IQCM: variants seen among roughly 807,000 people sequenced by gnomAD.
The protein encoded by IQCM is IQ motif containing M.
A neutral mutation model predicts 57.6 loss-of-function variants in IQCM; 45 were observed. The ratio of observed to expected loss-of-function variants is 0.78; its 90% CI spans 0.62 to 1.00. The LOEUF (loss-of-function observed/expected upper bound fraction) is 1.00. Among genes scored for constraint, IQCM ranks in the 50% least tolerant of loss-of-function variants. IQCM has a pLI of 0.00. For missense variants in IQCM, 468 were observed against 511.6 expected (o/e 0.91, Z 0.82); for synonymous variants, 148 against 158.9 (o/e 0.93, Z 0.51).
At chr4:149,601,776 T>C (rs1032653126) in intron 8 of IQCM, among the ~76,000 whole-genome samples, 3 of 152,110 alleles carry the variant, frequency 2.0e-5, no homozygotes, top group Non-Finnish European at 4.4e-5. Context: ...ATGTTTTATA[T>C]GGCCTGGCGC....
At chr4:149,666,908 A>G (rs1760781346) in intron 7 of IQCM, among the ~76,000 whole-genome samples, 1 of 152,150 alleles carries the variant, frequency 6.6e-6, no homozygotes, top group Non-Finnish European at 1.5e-5. Flanking sequence ...CATCTCTGAA[A>G]GAAAGGCAGC....
At chr4:149,804,283 C>G (rs1025126028) in intron 2 of IQCM, among the ~76,000 whole-genome samples, 7 of 152,058 alleles carry the variant, frequency 4.6e-5, no homozygotes, top group African/African-American at 1.7e-4. Flanking sequence ...AGTAGAGCTC[C>G]TGGACACAAA....
In IQCM at chr4:149,368,987, CACGTGTATATATATATATAT is replaced by C. The variant is rs1730144332; in HGVS notation, c.1391-16941_1391-16922del. ...GTATATATATATGTGTATATATATACACGTGTATATATATATATATACACGTGTATATATATATATATACA... is the reference window on the plus strand; with the variant it reads ...GTATATATATATGTGTATATATATACACACGTGTATATATATATATATACA... On this transcript the variant is annotated intron_variant, in intron 13 of 13. Transcript: ENST00000636793. Among the ~76,000 whole-genome samples, 4 of 22,466 alleles carry C rather than the reference CACGTGTATATATATATATAT, an allele frequency of 1.8e-4. 1 individual carries two copies. The highest frequency in any genetic ancestry group is 3.3e-4 in the Non-Finnish European group (4 of 12,212). The allele number at this position is 22,466 out of a possible 152,430, so 14.7% of individuals were successfully genotyped here. A position where few individuals can be genotyped will look rare whatever the true frequency, so the allele number is the denominator to read the frequency against.
chr4:149,397,991 C>T (rs1220139591), intron 13 of IQCM, among the ~76,000 whole-genome samples: 3 of 151,832 alleles, frequency 2.0e-5, no homozygotes, highest in Non-Finnish European at 4.4e-5. Context: ...GATATTATTG[C>T]CAAGATAATG....
chr4:149,520,375 C>T (rs1745504437), intron 12 of IQCM, among the ~76,000 whole-genome samples: 1 of 151,988 alleles, frequency 6.6e-6, no homozygotes, highest in African/African-American at 2.4e-5. Context: ...CTGGGTGGTT[C>T]ACCATTTTGC....
At chr4:149,593,668 C>T (rs181461232) in intron 8 of IQCM, among the ~76,000 whole-genome samples, 174 of 152,028 alleles carry the variant, frequency 1.1e-3, no homozygotes, top group Non-Finnish European at 2.1e-3. Context: ...TAGCATGAAG[C>T]GTTGTTGAAT....
chr4:149,559,166 T>C (rs771643639), intron 10 of IQCM, among the ~76,000 whole-genome samples: 23 of 152,158 alleles, frequency 1.5e-4, no homozygotes, highest in African/African-American at 5.6e-4. Flanking sequence ...TGCACTGGAT[T>C]ACTGAAAAAG....
At chr4:149,563,543 G>A (rs1179680059) in intron 10 of IQCM, 149 bp downstream of exon 10, 15 of 469,384 alleles carry the variant, frequency 3.2e-5, no homozygotes, top group Middle Eastern at 6.0e-4. Flanking sequence ...CCAAGATCAC[G>A]CCATTGCACT....
chr4:149,785,581 C>A (rs1024865777), intron 2 of IQCM, among the ~76,000 whole-genome samples: 5 of 152,036 alleles, frequency 3.3e-5, no homozygotes, highest in African/African-American at 9.7e-5. Context: ...TATTTCCTTA[C>A]AATTAACATC....
chr4:149,649,260 G>T (rs1758942704), intron 7 of IQCM, among the ~76,000 whole-genome samples: 1 of 151,960 alleles, frequency 6.6e-6, no homozygotes, highest in Admixed American at 6.6e-5. Flanking sequence ...TGATGGAATG[G>T]GTTCCATTCT....
chr4:149,407,925 A>G (rs1375040680), intron 13 of IQCM, among the ~76,000 whole-genome samples: 2 of 152,148 alleles, frequency 1.3e-5, no homozygotes, highest in East Asian at 1.9e-4. Context: ...AGATATCTCC[A>G]TACAGTTTTG....
At chr4:149,410,027 T>C (rs2111169629) in intron 13 of IQCM, among the ~76,000 whole-genome samples, 1 of 151,924 alleles carries the variant, frequency 6.6e-6, no homozygotes, top group Non-Finnish European at 1.5e-5. Flanking sequence ...CTACTGAAAA[T>C]ACAAAAATTA....
intron 13 of IQCM, among the ~76,000 whole-genome samples, chr4:149,394,722 G>T (rs534981104): frequency 7.9e-5 from 12 of 151,948 alleles, no homozygotes; most frequent in Non-Finnish European, 1.8e-4. Context: ...GAAAACTGGC[G>T]TGAAGGGCAA....
At chr4:149,548,739 G>A (rs1239277348) in intron 11 of IQCM, 150 bp from the exon 12 acceptor site, 1 of 414,614 alleles carries the variant, frequency 2.4e-6, no homozygotes, top group African/African-American at 2.0e-5. Context: ...AGAAGGAAGT[G>A]GGCATGTTTC....
chr4:149,678,548 AAAAG>A (rs1434537711), intron 7 of IQCM, among the ~76,000 whole-genome samples: 5 of 151,898 alleles, frequency 3.3e-5, no homozygotes, highest in African/African-American at 1.2e-4. Context: ...TCTTCAATCC[AAAAG>A]AAAGAGACAC....
At chr4:149,375,627 T>C (rs1303599656) in intron 13 of IQCM, among the ~76,000 whole-genome samples, 5 of 152,218 alleles carry the variant, frequency 3.3e-5, no homozygotes, top group Non-Finnish European at 7.3e-5. Flanking sequence ...TTGTCATTGG[T>C]CTCTTTCCAG....
chr4:149,520,769 C>T (rs946144507), intron 12 of IQCM, among the ~76,000 whole-genome samples: 5 of 152,140 alleles, frequency 3.3e-5, no homozygotes, highest in African/African-American at 7.2e-5. Context: ...CCCTCAAAGT[C>T]TTTCCCAGTT....
chr4:149,407,103 G>A (rs1018644198), intron 13 of IQCM, among the ~76,000 whole-genome samples: 12 of 152,064 alleles, frequency 7.9e-5, no homozygotes, highest in East Asian at 1.9e-4. Context: ...ATCAGACTTC[G>A]TGAGACTTAC....
intron 2 of IQCM, among the ~76,000 whole-genome samples, chr4:149,765,596 A>G (rs1287618261): frequency 1.3e-5 from 2 of 152,064 alleles, no homozygotes; most frequent in Non-Finnish European, 2.9e-5. Flanking sequence ...TTGTAAAATT[A>G]ATGAAAGACC....
Sources: gnomAD v4.1 joint callset for allele counts (sites outside exome capture counted in the v4.1 genomes callset) on GRCh38, gnomAD v4.1.1 for gene constraint, MANE v1.5 for transcripts, NCBI Gene and HGNC (gene_info 2026-07-23, HGNC 2026-07-21) for gene names.